Variants in BLM observed in about 807,000 individuals in gnomAD.
BLM encodes recQ-like DNA helicase BLM.
Under a neutral mutation model 135.3 loss-of-function variants are expected in BLM, and 95 were observed. That is an observed-to-expected ratio of 0.70 (90% CI 0.59 to 0.83). The LOEUF (loss-of-function observed/expected upper bound fraction) is 0.83, where lower values mean the gene tolerates loss of function less well. Ranked by LOEUF, BLM falls within the 40% of genes least tolerant of loss-of-function variation. The probability of loss-of-function intolerance (pLI) is 0.00; values close to 1 mark genes in which losing one functional copy is unlikely to be tolerated. For missense variants in BLM, 1,518 were observed against 1,663.9 expected (o/e 0.91, Z 1.53); for synonymous variants, 520 against 589.2 (o/e 0.88, Z 1.70).
intron 3 of BLM, among the ~76,000 whole-genome samples, chr15:90,751,426 G>A (rs1484938988): frequency 6.6e-6 from 1 of 152,196 alleles, no homozygotes; most frequent in Non-Finnish European, 1.5e-5. Context: ...AAGCAGCCGT[G>A]TTTGTGTTAT....
chr15:90,767,942 C>CT (rs201459311), intron 10 of BLM, among the ~76,000 whole-genome samples: 9,438 of 148,002 alleles, frequency 0.064, 357 homozygotes, highest in Non-Finnish European at 0.077. Context: ...GTTGGTTACA[C>CT]TTTTTTTTTC....
intron 12 of BLM, 102 bp from the exon 13 acceptor site, chr15:90,782,720 C>A: frequency 1.2e-6 from 1 of 865,094 alleles, no homozygotes; most frequent in South Asian, 1.5e-5. Flanking sequence ...AATACCATCA[C>A]ACTGGGGGTT....
At chr15:90,722,366 C>T (rs1894793733) in intron 1 of BLM, among the ~76,000 whole-genome samples, 1 of 152,130 alleles carries the variant, frequency 6.6e-6, no homozygotes, top group African/African-American at 2.4e-5. Flanking sequence ...ACCTCGGCCT[C>T]CCAAAGTGCT....
At chr15:90,772,926 C>T (rs1896361446) in intron 12 of BLM, among the ~76,000 whole-genome samples, 1 of 151,100 alleles carries the variant, frequency 6.6e-6, no homozygotes, top group Non-Finnish European at 1.5e-5. Context: ...GGAGAAACCC[C>T]GTCTCTACTA....
chr15:90,756,611 A>C (rs1354109267), intron 5 of BLM, among the ~76,000 whole-genome samples: 3 of 152,238 alleles, frequency 2.0e-5, no homozygotes, highest in Non-Finnish European at 4.4e-5. Flanking sequence ...TAGCTAGAAC[A>C]GGGGCAAGGA....
chr15:90,737,654 C>T (rs1052659529), intron 1 of BLM, among the ~76,000 whole-genome samples: 2 of 152,026 alleles, frequency 1.3e-5, no homozygotes, highest in African/African-American at 4.8e-5. Context: ...CATGCCAAAA[C>T]TCATGGAATA....
rs1567063252 is a variant in BLM, at chr15:90,804,308, G to C, written c.3700G>C (p.Gly1234Arg). Residue 1234 changes from glycine (G) to arginine (R), a missense_variant, in exon 19 of 22, where the codon GGT (glycine) becomes CGT (arginine). Around this residue, in one of 5 missense-constraint regions of BLM, gnomAD observed 626 missense variants for 681.1 expected, o/e 0.92. Transcript: ENST00000355112. ...CTGCAAATCTCTGGGGAAAGTTTTT[G>C]GTGTCCATTACTTCAATATTTTTAA... ...EVCKSLGKVF[G>R]VHYFNIFNTV... is the part of the protein sequence containing the mutation. 2 of 1,614,158 alleles carry C rather than the reference G, an allele frequency of 1.2e-6. No individual in the cohort carries two copies. The highest frequency in any genetic ancestry group is 1.7e-6 in the Non-Finnish European group (2 of 1,180,008).
intron 12 of BLM, among the ~76,000 whole-genome samples, chr15:90,774,308 G>A (rs1045756847): frequency 1.3e-5 from 2 of 151,292 alleles, no homozygotes; most frequent in African/African-American, 4.9e-5. Flanking sequence ...CTGACCTCAG[G>A]TGATCCACCC....
chr15:90,721,145 GA>G (rs1454619163), intron 1 of BLM, among the ~76,000 whole-genome samples: 1 of 152,102 alleles, frequency 6.6e-6, no homozygotes, highest in Non-Finnish European at 1.5e-5. Context: ...TAATAGGTAT[GA>G]AATGATGCTC....
chr15:90,763,731 C>T (rs953219279), intron 8 of BLM, among the ~76,000 whole-genome samples: 3 of 152,230 alleles, frequency 2.0e-5, no homozygotes, highest in East Asian at 1.9e-4. Context: ...TCATTTAGCA[C>T]GATATTGTGT....
intron 14 of BLM, among the ~76,000 whole-genome samples, chr15:90,789,987 G>GTTTGT (rs1567056055): frequency 1.7e-5 from 1 of 57,378 alleles, no homozygotes; most frequent in Non-Finnish European, 3.6e-5. Context: ...AGTCCCTGGT[G>GTTTGT]TTTTTTTTTT....
chr15:90,734,596 C>G (rs184649103), intron 1 of BLM, among the ~76,000 whole-genome samples: 3 of 151,870 alleles, frequency 2.0e-5, no homozygotes. Flanking sequence ...CCAATCAATA[C>G]TTCTTAATGA....
Position 90,809,026 on chromosome 15 carries a change from C to T in BLM, c.3752-111C>T, listed in dbSNP as rs1897345038. 3.4e-6 allele frequency: 5 copies of T among 1,481,474 alleles called. No individual in the cohort carries two copies. In the South Asian group the frequency reaches 4.6e-5, roughly 14 times the overall value. The allele number at this position is 1,481,474 out of a possible 1,614,324, so 91.8% of individuals were successfully genotyped here. A position where few individuals can be genotyped will look rare whatever the true frequency, so the allele number is the denominator to read the frequency against. On this transcript the variant is annotated intron_variant, in intron 19 of 21. Coordinates refer to ENST00000355112, the MANE Select transcript of BLM (RefSeq NM_000057.4). The stretch of plus-strand genomic sequence containing the variant: ...AAAATTGGCCTGTGTTCCCAGTACC[C>T]TGCAGTTAGTTGGCACTTAGCAGAC...
rs139295905 is a variant in BLM at position 90,751,803 on chromosome 15, G to A, written c.816G>A (p.Lys272=). 116 of 1,612,170 alleles carry A rather than the reference G, an allele frequency of 7.2e-5. No homozygotes were observed. In the African/African-American group the frequency reaches 1.4e-3, roughly 19 times the overall value. ...TTACTGTAGATAATAGCGAAAAGAAGAAGAATTTGGAAGAAGCTGAATTAC... is the reference window on the plus strand; with the variant it reads ...TTACTGTAGATAATAGCGAAAAGAAAAAGAATTTGGAAGAAGCTGAATTAC... ...LEDERDNSEK[K]KNLEEAELHS... is the part of the protein sequence containing the mutation. Residue 272 remains lysine (K), a synonymous_variant, in exon 4 of 22, where the codon AAG becomes AAA. Coordinates refer to ENST00000355112, the MANE Select transcript of BLM (RefSeq NM_000057.4).
At chr15:90,767,943 T>C (rs978739278) in intron 10 of BLM, among the ~76,000 whole-genome samples, 1 of 131,562 alleles carries the variant, frequency 7.6e-6, no homozygotes, top group Admixed American at 7.5e-5. Flanking sequence ...TTGGTTACAC[T>C]TTTTTTTTCT....
rs182445201 is a variant in BLM, at chr15:90,719,917, A to G, written c.-5+2477A>G. On this transcript the variant is annotated intron_variant, in intron 1 of 21. Coordinates refer to ENST00000355112, the MANE Select transcript of BLM (RefSeq NM_000057.4). ...GGCATGATACCAGAGGCTTTTGAGC[A>G]TTCTGTATCGCTAACACATACTATT... Among the ~76,000 whole-genome samples the G allele has an allele frequency of 8.4e-4, 128 of 152,298 alleles. 1 individual carries two copies. Among genetic ancestry groups the G allele is most frequent in the African/African-American group, 3.0e-3 (124 of 41,574 alleles).
At chr15:90,747,128 G>A (rs951085217) in intron 1 of BLM, among the ~76,000 whole-genome samples, 1 of 151,014 alleles carries the variant, frequency 6.6e-6, no homozygotes, top group Admixed American at 6.6e-5. Context: ...GCATTGTGGA[G>A]GAAGAGAGGG....
At chr15:90,768,037 G>T (rs958813978) in intron 10 of BLM, among the ~76,000 whole-genome samples, 1 of 151,434 alleles carries the variant, frequency 6.6e-6, no homozygotes, top group Admixed American at 6.6e-5. Context: ...CTGCAACCTG[G>T]GTTCAAGTGA....
At chr15:90,784,017 G>A (rs1896679991) in intron 13 of BLM, among the ~76,000 whole-genome samples, 2 of 151,880 alleles carry the variant, frequency 1.3e-5, no homozygotes, top group Non-Finnish European at 2.9e-5. Flanking sequence ...TTTTCTACTA[G>A]CATACTATAT....
Sources: gnomAD v4.1 joint callset for allele counts (sites outside exome capture counted in the v4.1 genomes callset) on GRCh38, gnomAD v4.1.1 for gene constraint, gnomAD v4.1.1 regional missense constraint, MANE v1.5 for transcripts, NCBI Gene and HGNC (gene_info 2026-07-23, HGNC 2026-07-21) for gene names.